Variants in STOML1 observed in about 807,000 individuals in gnomAD.
STOML1 encodes the protein stomatin-like protein 1.
Under a neutral mutation model 35.7 loss-of-function variants are expected in STOML1, and 27 were observed. The observed-to-expected ratio is 0.76, with a 90% CI of 0.56 to 1.04. STOML1 has a LOEUF of 1.04. Ranked by LOEUF, STOML1 falls within the 50% of genes least tolerant of loss-of-function variation. The pLI is 0.00. For synonymous variants in STOML1, 219 were observed against 227.9 expected, an observed-to-expected ratio of 0.96 and a Z score of 0.35; for missense variants, 451 against 527.1, an observed-to-expected ratio of 0.86 and a Z score of 1.41.
At position 73,984,047 on chromosome 15, in the gene STOML1, G is replaced by T; in HGVS notation, c.1087C>A (p.Leu363Ile). The T allele has an allele frequency of 6.2e-7, 1 of 1,614,050 alleles. No individual in the cohort carries two copies. Residue 363 changes from leucine to isoleucine, a missense_variant, in exon 7 of 7, where the codon CTA (leucine) becomes ATA (isoleucine). Transcript: ENST00000541638. The stretch of plus-strand genomic sequence containing the variant: ...CCCAGGGGCCGCAGCTCTCTGCATA[G>T]CAGGGCCCGCAGGTCTGCCTCGGCC... ...EMAEADLRALLCRELRPLGAY... is the reference protein window; with the variant it reads ...EMAEADLRALICRELRPLGAY...
At chr15:73,985,741 G>A in intron 4 of STOML1, 1 of 516,388 alleles carries the variant, frequency 1.9e-6, no homozygotes, top group Non-Finnish European at 3.3e-6. Context: ...GGTGCCAGCA[G>A]GAGGGAGTCC....
At chr15:73,992,599 G>C (rs987576400), upstream of STOML1, among the ~76,000 whole-genome samples, 1 of 152,166 alleles carries the variant, frequency 6.6e-6, no homozygotes, top group Admixed American at 6.5e-5. Context: ...CTTGAGGCCA[G>C]GAATTCAGGA....
At position 73,992,286 on chromosome 15, in the gene STOML1, ACGCGGCC is replaced by A; in HGVS notation, c.-70_-64del. 1 of 1,514,648 alleles carries A rather than the reference ACGCGGCC, an allele frequency of 6.6e-7. No homozygotes were observed. Among genetic ancestry groups the A allele is most frequent in the South Asian group, 1.3e-5 (1 of 78,612 alleles). The allele number at this position is 1,514,648 out of a possible 1,614,324, so 93.8% of individuals were successfully genotyped here. A position where few individuals can be genotyped will look rare whatever the true frequency, so the allele number is the denominator to read the frequency against. On this transcript the variant is annotated 5_prime_UTR_variant, in exon 1 of 7. Transcript: ENST00000541638. The stretch of plus-strand genomic sequence containing the variant: ...GCGCCCTCCCTGGCCAGTGGGCCCT[ACGCGGCC>A]CCGCCCTCCTGGCTGCTGCTTCCGG...
chr15:73,984,248 G>A, intron 6 of STOML1, 118 bp from the exon 7 acceptor site: 9 of 1,115,990 alleles, frequency 8.1e-6, no homozygotes, highest in Non-Finnish European at 1.1e-5. Flanking sequence ...TAAGAGTTTG[G>A]GTTCTAATAC....
chr15:73,988,843 G>A lies in STOML1; in HGVS notation c.391-41C>T, dbSNP rs1007182531. Reference sequence around the variant, plus strand: ...ATGAGAGAGAGACACTCAAGGGGCTGGGGGTGCAGGGAGGTCAGGCCCACT... The same window carrying A: ...ATGAGAGAGAGACACTCAAGGGGCTAGGGGTGCAGGGAGGTCAGGCCCACT... On this transcript the variant is annotated intron_variant, in intron 3 of 6. Transcript: ENST00000541638. This position sits in a 1 kb window ranked among gnomAD's most constrained non-coding sequence, Gnocchi z 4.8. 6.3e-7 allele frequency: 1 copy of A among 1,590,066 alleles called. No homozygotes were observed. Among genetic ancestry groups the A allele is most frequent in the Non-Finnish European group, 8.6e-7 (1 of 1,163,402 alleles).
intron 1 of STOML1, chr15:73,990,812 T>C: frequency 6.5e-7 from 1 of 1,535,390 alleles, no homozygotes; most frequent in Non-Finnish European, 8.7e-7. Flanking sequence ...TGCCTACCCA[T>C]ACCTGGCATG....
chr15:73,988,310 T>C lies in STOML1; in HGVS notation c.594+289A>G, dbSNP rs1396696401. 1 of 399,630 alleles carries C rather than the reference T, an allele frequency of 2.5e-6. No individual in the cohort carries two copies. The highest frequency in any genetic ancestry group is 2.8e-5 in the South Asian group (1 of 35,880). 24.8% of individuals were successfully genotyped at this position (399,630 alleles called of 1,614,324 possible). ...AGAGCTGTAGAAGCCAGTGTCATCA[T>C]GGCAGAGCAGTGAGGGGTAAAAACT... On this transcript the variant is annotated intron_variant, in intron 4 of 6. Coordinates refer to ENST00000541638, the MANE Select transcript of STOML1 (RefSeq NM_004809.5). The surrounding 1 kb of genome is among the most constrained non-coding windows in gnomAD (Gnocchi z 4.8).
chr15:73,984,213 T>G (rs2069015285), intron 6 of STOML1, 83 bp from the exon 7 acceptor site: 1 of 1,412,254 alleles, frequency 7.1e-7, no homozygotes, highest in Non-Finnish European at 9.6e-7. Context: ...GGGCTGGTAT[T>G]TCCCATTGGG....
In STOML1 at chr15:73,984,665, T is replaced by C. The variant is rs1388922968; in HGVS notation, c.997A>G (p.Thr333Ala). ...GTQSAYFLDL[T>A]TGRGRVGHGV... Reference sequence around the variant, plus strand: ...GCAAGGAGGGCAGCGGCACCTGTAGTGAGGTCCAGGAAGTAGGCGCTTTGG... The same window carrying C: ...GCAAGGAGGGCAGCGGCACCTGTAGCGAGGTCCAGGAAGTAGGCGCTTTGG... The change falls in exon 6 of 7, where the codon ACT (threonine) becomes GCT (alanine). Residue 333 changes from threonine to alanine, a missense_variant. Physicochemically the swap from Thr to Ala is moderately conservative, Grantham distance 58. Transcript: ENST00000541638. 1 of 1,614,008 alleles carries C rather than the reference T, an allele frequency of 6.2e-7. No individual in the cohort carries two copies. Among genetic ancestry groups the C allele is most frequent in the Non-Finnish European group, 8.5e-7 (1 of 1,179,962 alleles).
intron 4 of STOML1, chr15:73,986,739 C>T (rs950579032): frequency 6.5e-6 from 1 of 152,846 alleles, no homozygotes; most frequent in Non-Finnish European, 1.5e-5. Context: ...TGATGTTGGC[C>T]AGCGCTGTCT....
chr15:73,985,419 GGGCTGTCCTGGGGCGGCTGGAGCAC>G lies in STOML1; in HGVS notation c.664_688del (p.Val222GlnfsTer22). 1 of 1,560,198 alleles carries G rather than the reference GGGCTGTCCTGGGGCGGCTGGAGCAC, an allele frequency of 6.4e-7. No homozygotes were observed. The highest frequency in any genetic ancestry group is 1.4e-5 in the African/African-American group (1 of 71,428). ...GGTGCTGTCCAGGTTGGGCCCAGCT[GGGCTGTCCTGGGGCGGCTGGAGCAC>G]GGCCTCCACTGCCAGCTCCACGCGG... On this transcript the variant is annotated frameshift_variant, in exon 5 of 7. Coordinates refer to ENST00000541638, the MANE Select transcript of STOML1 (RefSeq NM_004809.5). LOFTEE classifies it high-confidence loss of function.
Position 73,989,223 on chromosome 15 carries a change from CG to C in STOML1, c.274del (p.Arg92AlafsTer28). 1 of 1,607,626 alleles carries C rather than the reference CG, an allele frequency of 6.2e-7. No homozygotes were observed. Among genetic ancestry groups the C allele is most frequent in the Non-Finnish European group, 8.5e-7 (1 of 1,176,780 alleles). On this transcript the variant is annotated frameshift_variant, in exon 3 of 7. Coordinates refer to ENST00000541638, the MANE Select transcript of STOML1 (RefSeq NM_004809.5). LOFTEE classifies it high-confidence loss of function. Reference protein sequence around the residue: ...VPTYERMIVFRLGRIRTPQGP... With the variant: ...VPTYERMIVFXLGRIRTPQGP... ...CTGGGGGGTGCGGATCCGGCCCAGG[CG>C]GAACACAATCATCCGCTCGTAGGTG... is the stretch of plus-strand genomic sequence containing the variant.
At chr15:73,985,682 G>A (rs2069075064) in intron 4 of STOML1, 169 bp from the exon 5 acceptor site, 1 of 823,546 alleles carries the variant, frequency 1.2e-6, no homozygotes, top group Non-Finnish European at 1.8e-6. Context: ...GCTGTGGTAA[G>A]TGCCAAGACA....
Position 73,992,287 on chromosome 15 carries a change from C to A in STOML1, c.-64G>T. On this transcript the variant is annotated 5_prime_UTR_variant, in exon 1 of 7. Coordinates refer to ENST00000541638, the MANE Select transcript of STOML1 (RefSeq NM_004809.5). ...CGCCCTCCCTGGCCAGTGGGCCCTA[C>A]GCGGCCCCGCCCTCCTGGCTGCTGC... is the stretch of plus-strand genomic sequence containing the variant. 2 of 1,514,004 alleles carry A rather than the reference C, an allele frequency of 1.3e-6. No individual in the cohort carries two copies. Among genetic ancestry groups the A allele is most frequent in the Non-Finnish European group, 1.8e-6 (2 of 1,140,890 alleles). 93.8% of individuals were successfully genotyped at this position (1,514,004 alleles called of 1,614,324 possible). A position where few individuals can be genotyped will look rare whatever the true frequency, so the allele number is the denominator to read the frequency against.
chr15:73,991,964 C>A, intron 1 of STOML1, 127 bp downstream of exon 1: 1 of 1,360,252 alleles, frequency 7.4e-7, no homozygotes, highest in Non-Finnish European at 9.8e-7. Flanking sequence ...CACATCGTAT[C>A]CCTTTCTCAG....
In STOML1 at chr15:73,981,951, A is replaced by G. The variant is rs760416165; in HGVS notation, c.*1986T>C. ...CCAGAAAAGTTTCGGTTTCCCCTAA[A>G]CGTTATGTTGATCTTCCCATGCTCA... is the stretch of plus-strand genomic sequence containing the variant. On this transcript the variant is annotated 3_prime_UTR_variant, in exon 7 of 7. Transcript: ENST00000541638. 1 of 151,974 alleles carries G rather than the reference A, an allele frequency of 6.6e-6. No individual in the cohort carries two copies. The highest frequency in any genetic ancestry group is 1.5e-5 in the Non-Finnish European group (1 of 68,054). 9.4% of individuals were successfully genotyped at this position (151,974 alleles called of 1,614,324 possible).
chr15:73,992,046 G>A, intron 1 of STOML1, 45 bp downstream of exon 1: 1 of 1,516,782 alleles, frequency 6.6e-7, no homozygotes, highest in Non-Finnish European at 8.8e-7. Context: ...CCTGGGGGTT[G>A]CCGGCCGGTC....
In STOML1 at chr15:73,991,000, G is replaced by A. The variant is rs772533641; in HGVS notation, c.134-543C>T. 1.2e-4 allele frequency: 166 copies of A among 1,416,488 alleles called. 1 individual carries two copies. Among genetic ancestry groups the A allele is most frequent in the Middle Eastern group, 5.5e-4 (3 of 5,450 alleles). The allele number at this position is 1,416,488 out of a possible 1,614,324, so 87.7% of individuals were successfully genotyped here. ...AACGGGAGCCACAGATGAGGAATTA[G>A]ATTATTATTTTCTATTCCACACCCA... On this transcript the variant is annotated intron_variant, in intron 1 of 6. Coordinates refer to ENST00000541638, the MANE Select transcript of STOML1 (RefSeq NM_004809.5).
chr15:73,983,120 C>T lies in STOML1; in HGVS notation c.*817G>A, dbSNP rs2068981685. The stretch of plus-strand genomic sequence containing the variant: ...GTGAGGGTCTGTCTGTGTCAGCCAC[C>T]AGGATGTCAATCCCTGCCTGGGCTG... On this transcript the variant is annotated 3_prime_UTR_variant, in exon 7 of 7. Coordinates refer to ENST00000541638, the MANE Select transcript of STOML1 (RefSeq NM_004809.5). 1 of 152,190 alleles carries T rather than the reference C, an allele frequency of 6.6e-6. No homozygotes were observed. Among genetic ancestry groups the T allele is most frequent in the Admixed American group, 6.5e-5 (1 of 15,278 alleles). The allele number at this position is 152,190 out of a possible 1,614,324, so 9.4% of individuals were successfully genotyped here.
Sources: allele counts gnomAD v4.1 joint callset (sites outside exome capture counted in the v4.1 genomes callset), GRCh38; gene constraint gnomAD v4.1.1; non-coding constraint Gnocchi (gnomAD v3.1); transcripts MANE v1.5; gene names NCBI Gene and HGNC (gene_info 2026-07-23, HGNC 2026-07-21).